Variants in SPRYD3 observed in about 807,000 individuals in gnomAD.
The protein encoded by SPRYD3 is SPRY domain-containing protein 3.
Under a neutral mutation model 50.1 loss-of-function variants are expected in SPRYD3, and 17 were observed. The ratio of observed to expected loss-of-function variants is 0.34; its 90% CI spans 0.23 to 0.51. SPRYD3 has a LOEUF of 0.51. SPRYD3 is among the 20% of genes least tolerant of loss of function. The pLI, the probability that SPRYD3 is intolerant of heterozygous loss-of-function variation, is 0.97. For missense variants in SPRYD3, 401 were observed against 591.2 expected (o/e 0.68, Z 3.34); for synonymous variants, 198 against 215.5 (o/e 0.92, Z 0.71).
intron 6 of SPRYD3, among the ~76,000 whole-genome samples, chr12:53,072,332 T>C (rs1944555818): frequency 6.6e-6 from 1 of 152,004 alleles, no homozygotes. Flanking sequence ...TGAGTTCCAC[T>C]CCACCAGGGG....
Position 53,068,220 on chromosome 12 carries a change from A to G in SPRYD3, c.778T>C (p.Tyr260His). Residue 260 changes from tyrosine to histidine, a missense_variant, in exon 7 of 11, where the codon TAC becomes CAC. Transcript: ENST00000301463. ...ARHPLSTRSH[Y>H]FEVEIVDPGE... ...GGGTCCACGATCTCCACCTCGAAGT[A>G]GTGGCTGCGGGTGCTGAGTGGGTGC... is the stretch of plus-strand genomic sequence containing the variant. 6.2e-7 allele frequency: 1 copy of G among 1,614,222 alleles called. No individual in the cohort carries two copies. Among genetic ancestry groups the G allele is most frequent in the Non-Finnish European group, 8.5e-7 (1 of 1,180,042 alleles).
intron 6 of SPRYD3, 30 bp downstream of exon 6, chr12:53,073,256 G>GCCCCCGGGGGGGGGGGGGGGGGCCCC: frequency 2.4e-6 from 1 of 424,134 alleles, no homozygotes; most frequent in Non-Finnish European, 4.4e-6. Flanking sequence ...CTCCGACCCA[G>GCCCCCGGGGGGGGGGGGGGGGGCCCC]CCCCTCCCAC....
chr12:53,077,900 T>C (rs2121211273), intron 1 of SPRYD3, among the ~76,000 whole-genome samples: 1 of 152,302 alleles, frequency 6.6e-6, no homozygotes, highest in East Asian at 1.9e-4. Flanking sequence ...GGAAATGCCA[T>C]GATTGGCTGG....
chr12:53,065,775 G>A lies in SPRYD3; in HGVS notation c.*57C>T. 6.4e-7 allele frequency: 1 copy of A among 1,568,156 alleles called. No individual in the cohort carries two copies. Among genetic ancestry groups the A allele is most frequent in the Non-Finnish European group, 8.7e-7 (1 of 1,151,472 alleles). On this transcript the variant is annotated 3_prime_UTR_variant, in exon 11 of 11. Transcript: ENST00000301463. ...GAAGCCTCTGGGAAGTCAGGAACTGGGTGCCTGGCCCAGCAGAGGGTGAGC... is the reference window on the plus strand; with the variant it reads ...GAAGCCTCTGGGAAGTCAGGAACTGAGTGCCTGGCCCAGCAGAGGGTGAGC...
intron 1 of SPRYD3, 44 bp downstream of exon 1, chr12:53,079,267 G>A (rs1944614307): frequency 6.3e-6 from 10 of 1,584,584 alleles, no homozygotes; most frequent in Non-Finnish European, 8.6e-6. Flanking sequence ...CAGGCTCCGG[G>A]GAGATACGAG....
At chr12:53,070,488 AC>A (rs1944541475) in intron 6 of SPRYD3, among the ~76,000 whole-genome samples, 1 of 152,184 alleles carries the variant, frequency 6.6e-6, no homozygotes, top group African/African-American at 2.4e-5. Context: ...TGGTCCCTCA[AC>A]CTGTACCTCA....
In SPRYD3 at chr12:53,075,736, CTCAAAATAATTGCTGT is replaced by C. The variant is rs1353279002; in HGVS notation, c.230_245del (p.Asp77GlyfsTer35). 6.2e-7 allele frequency: 1 copy of C among 1,613,620 alleles called. No individual in the cohort carries two copies. The highest frequency in any genetic ancestry group is 8.5e-7 in the Non-Finnish European group (1 of 1,179,634). ...TCTGCCCACCCACTGCCTTGATCAC[CTCAAAATAATTGCTGT>C]CCTTGGTCAGGGGTCGAGAAGCCAC... On this transcript the variant is annotated frameshift_variant and splice_region_variant, in exon 3 of 11. Coordinates refer to ENST00000301463, the MANE Select transcript of SPRYD3 (RefSeq NM_032840.3). LOFTEE classifies it high-confidence loss of function.
chr12:53,079,069 G>A (rs1592267877), intron 1 of SPRYD3, among the ~76,000 whole-genome samples: 1 of 152,140 alleles, frequency 6.6e-6, no homozygotes, highest in East Asian at 1.9e-4. Context: ...TCTCCTCCCC[G>A]GGCACGGCCT....
intron 2 of SPRYD3, 149 bp downstream of exon 2, chr12:53,076,966 A>C: frequency 1.4e-6 from 1 of 696,916 alleles, no homozygotes; most frequent in Non-Finnish European, 2.3e-6. Context: ...AAAAAGAAAA[A>C]GAAAGGCCTC....
chr12:53,069,910 G>A (rs1944537119), intron 6 of SPRYD3, among the ~76,000 whole-genome samples: 1 of 152,160 alleles, frequency 6.6e-6, no homozygotes. Context: ...ACTGGCCTCG[G>A]TGTAGGAAAC....
intron 6 of SPRYD3, among the ~76,000 whole-genome samples, chr12:53,068,528 C>G (rs970628166): frequency 5.9e-5 from 9 of 152,192 alleles, no homozygotes; most frequent in African/African-American, 2.2e-4. Flanking sequence ...TGAATGCCCA[C>G]GCTGTCTTCC....
At chr12:53,068,087 T>C (rs1944522974) in intron 7 of SPRYD3, 68 bp downstream of exon 7, 4 of 1,587,722 alleles carry the variant, frequency 2.5e-6, no homozygotes, top group Non-Finnish European at 3.4e-6. Context: ...AAGAGCTTCC[T>C]GGTGCTGCCC....
rs1944483481 is a variant in SPRYD3 at position 53,064,595 on chromosome 12, A to G, written c.*1237T>C. 6.6e-6 allele frequency: 1 copy of G among 152,662 alleles called. No homozygotes were observed. Among genetic ancestry groups the G allele is most frequent in the Non-Finnish European group, 1.5e-5 (1 of 68,062 alleles). 9.5% of individuals were successfully genotyped at this position (152,662 alleles called of 1,614,324 possible). On this transcript the variant is annotated 3_prime_UTR_variant, in exon 11 of 11. Transcript: ENST00000301463. ...TAGAAAGGCTCCTGGTTCCGGCCAT[A>G]CTGATAAATACGGAAACTCCATCTT...
intron 6 of SPRYD3, among the ~76,000 whole-genome samples, chr12:53,070,327 C>T (rs373059695): frequency 1.4e-4 from 21 of 152,342 alleles, no homozygotes; most frequent in African/African-American, 5.0e-4. Flanking sequence ...TCCCAGAGAA[C>T]TCAGAGGGGT....
At chr12:53,075,296 T>TA in intron 3 of SPRYD3, 77 bp from the exon 4 acceptor site, 1 of 1,509,862 alleles carries the variant, frequency 6.6e-7, no homozygotes, top group African/African-American at 1.4e-5. Flanking sequence ...GAAGGGGACT[T>TA]AGAGATTAAA....
chr12:53,073,026 AGAACTACTTGTTCCCAG>A, intron 6 of SPRYD3: 1 of 384,232 alleles, frequency 2.6e-6, no homozygotes, highest in Non-Finnish European at 4.7e-6. Context: ...AAGGCAAAGC[AGAACTACTTGTTCCCAG>A]GGTCAAACTG....
chr12:53,068,286 T>G lies in SPRYD3; in HGVS notation c.712A>C (p.Lys238Gln). Residue 238 changes from lysine (K) to glutamine (Q), a missense_variant, in exon 7 of 11, where the codon AAG becomes CAG. Transcript: ENST00000301463. ...VCGTLLEYLG[K>Q]GKSIVDVGLA... ...CCCACATCCACGATGCTTTTGCCCTTCCCTAAGTACTCCAGCAGCTGTGGG... is the reference window on the plus strand; with the variant it reads ...CCCACATCCACGATGCTTTTGCCCTGCCCTAAGTACTCCAGCAGCTGTGGG... 6.2e-7 allele frequency: 1 copy of G among 1,614,116 alleles called. No homozygotes were observed. The highest frequency in any genetic ancestry group is 8.5e-7 in the Non-Finnish European group (1 of 1,180,018).
In SPRYD3 at chr12:53,073,445, G is replaced by A; in HGVS notation, c.534C>T (p.Ser178=). ...KRVGSTIMPM[S]PDGLFPAVGM... ...CCACTGCTGGGAACAGTCCATCTGG[G>A]GACATGGGCATGATGGTAGAGCCCA... The change falls in exon 6 of 11, where the codon TCC becomes TCT. Residue 178 remains serine (S), a synonymous_variant. Transcript: ENST00000301463. 6.4e-7 allele frequency: 1 copy of A among 1,561,320 alleles called. No homozygotes were observed. Among genetic ancestry groups the A allele is most frequent in the South Asian group, 1.2e-5 (1 of 84,940 alleles).
intron 1 of SPRYD3, 138 bp from the exon 2 acceptor site, chr12:53,077,399 T>C (rs1944597099): frequency 3.7e-6 from 3 of 821,080 alleles, no homozygotes; most frequent in East Asian, 2.7e-5. Context: ...TCATCTTCTT[T>C]CTTCCATTCA....
Sources: allele counts gnomAD v4.1 joint callset (sites outside exome capture counted in the v4.1 genomes callset), GRCh38; gene constraint gnomAD v4.1.1; transcripts MANE v1.5; gene names NCBI Gene and HGNC (gene_info 2026-07-23, HGNC 2026-07-21).